PAPOLA: variants seen among roughly 807,000 people sequenced by gnomAD.
PAPOLA encodes the protein polynucleotide adenylyltransferase alpha.
PAPOLA carries 15 observed loss-of-function variants against 100.6 expected under a neutral mutation model. The observed-to-expected ratio is 0.15, with a 90% CI of 0.10 to 0.23. PAPOLA has a LOEUF of 0.23. PAPOLA is among the 10% of genes least tolerant of loss of function. The probability of loss-of-function intolerance (pLI) is 1.00; values close to 1 mark genes in which losing one functional copy is unlikely to be tolerated. For synonymous variants in PAPOLA, 293 were observed against 300.0 expected (o/e 0.98, Z 0.24); for missense variants, 533 against 884.2 (o/e 0.60, Z 5.04).
At chr14:96,558,987 C>T (rs1251643088) in intron 19 of PAPOLA, among the ~76,000 whole-genome samples, 1 of 151,452 alleles carries the variant, frequency 6.6e-6, no homozygotes, top group African/African-American at 2.4e-5. Context: ...TAGATTCCCT[C>T]CTCCATCCCT....
chr14:96,546,348 T>C (rs1426559370), intron 15 of PAPOLA, among the ~76,000 whole-genome samples: 1 of 152,122 alleles, frequency 6.6e-6, no homozygotes, highest in African/African-American at 2.4e-5. Context: ...TCTTTTGCCC[T>C]TGCCCCCTTC....
chr14:96,540,666 A>G (rs1411298845), intron 12 of PAPOLA, among the ~76,000 whole-genome samples: 1 of 152,154 alleles, frequency 6.6e-6, no homozygotes, highest in African/African-American at 2.4e-5. Flanking sequence ...TAAAGGAAGT[A>G]TTGGTTTGTA....
At position 96,519,158 on chromosome 14, in the gene PAPOLA, G is replaced by A. The variant is rs370084551; in HGVS notation, c.9-897G>A. 3.3e-5 allele frequency among the ~76,000 whole-genome samples: 5 copies of A among 151,774 alleles called. No homozygotes were observed. The East Asian group carries it at 9.8e-4, about 30-fold the overall frequency. On this transcript the variant is annotated intron_variant, in intron 1 of 21. Coordinates refer to ENST00000216277, the MANE Select transcript of PAPOLA (RefSeq NM_032632.5). Reference sequence around the variant, plus strand: ...TATCCAGGCTGGCCTCAACTCCTGGGCTCAAGCCATTCTCCCACTTCAGCC... The same window carrying A: ...TATCCAGGCTGGCCTCAACTCCTGGACTCAAGCCATTCTCCCACTTCAGCC...
intron 15 of PAPOLA, among the ~76,000 whole-genome samples, chr14:96,546,910 CTT>C (rs1341215143): frequency 6.6e-6 from 1 of 152,036 alleles, no homozygotes; most frequent in African/African-American, 2.4e-5. Context: ...TTGATGTTTG[CTT>C]TCTCTGGAAT....
At chr14:96,534,897 T>C (rs1899384788) in intron 10 of PAPOLA, 1 of 1,028,442 alleles carries the variant, frequency 9.7e-7, no homozygotes, top group African/African-American at 1.7e-5. Flanking sequence ...AAAATCCCTG[T>C]ATTTTTTATT....
At position 96,556,310 on chromosome 14, in the gene PAPOLA, C is replaced by T; in HGVS notation, c.1901C>T (p.Thr634Ile). 1 of 1,613,986 alleles carries T rather than the reference C, an allele frequency of 6.2e-7. No homozygotes were observed. The highest frequency in any genetic ancestry group is 8.5e-7 in the Non-Finnish European group (1 of 1,179,960). Residue 634 changes from threonine to isoleucine, a missense_variant, in exon 19 of 22, where the codon ACT becomes ATT. By Grantham distance (89) the Thr-to-Ile change is moderately conservative (BLOSUM62 -1). Transcript: ENST00000216277. Reference protein sequence around the residue: ...PPPRSSGNAATSGNAATKIPT... With the variant: ...PPPRSSGNAAISGNAATKIPT... The stretch of plus-strand genomic sequence containing the variant: ...CCTAGATCTTCAGGAAATGCAGCAA[C>T]TTCAGGAAATGCAGCAACAAAAATA...
intron 4 of PAPOLA, chr14:96,526,706 C>T (rs905133437): frequency 1.3e-5 from 2 of 152,562 alleles, no homozygotes; most frequent in Admixed American, 1.3e-4. Flanking sequence ...ATCCTTTCCT[C>T]TCTCCATCTC....
intron 10 of PAPOLA, 72 bp from the exon 11 acceptor site, chr14:96,535,807 A>AC (rs559642134): frequency 3.1e-4 from 394 of 1,283,700 alleles, no homozygotes; most frequent in Non-Finnish European, 3.6e-4. Flanking sequence ...GTTCAGTTTA[A>AC]CAAGGGGTAA....
At chr14:96,552,647 G>T (rs767531390) in intron 17 of PAPOLA, 25 bp downstream of exon 17, 1 of 1,600,428 alleles carries the variant, frequency 6.2e-7, no homozygotes, top group East Asian at 2.2e-5. Flanking sequence ...GGAAATAGAA[G>T]TGGAGGGGCT....
intron 12 of PAPOLA, chr14:96,537,996 A>C (rs1262710582): frequency 1.3e-5 from 2 of 152,046 alleles, no homozygotes; most frequent in Non-Finnish European, 2.9e-5. Context: ...GTTGTCAGTA[A>C]AAATTAAAAT....
At chr14:96,548,261 T>C (rs1021762771) in intron 16 of PAPOLA, among the ~76,000 whole-genome samples, 2 of 152,200 alleles carry the variant, frequency 1.3e-5, no homozygotes, top group African/African-American at 4.8e-5. Flanking sequence ...ATTAAATTAG[T>C]AAGGAAATAT....
chr14:96,562,850 A>T lies in PAPOLA; in HGVS notation c.2099A>T (p.Gln700Leu). The T allele has an allele frequency of 6.2e-7, 1 of 1,612,448 alleles. No homozygotes were observed. The highest frequency in any genetic ancestry group is 1.1e-5 in the South Asian group (1 of 91,018). The change falls in exon 21 of 22, where the codon CAA (glutamine) becomes CTA (leucine). Residue 700 changes from glutamine to leucine, a missense_variant. Transcript: ENST00000216277. ...CTTGATACAGAGACAAGTACAACTC[A>T]ATCAGAAACTATTCAGACAGCGGCT... The part of the protein sequence containing the change: ...EQLDTETSTT[Q>L]SETIQTAASL...
intron 1 of PAPOLA, among the ~76,000 whole-genome samples, chr14:96,505,964 A>T (rs1344017969): frequency 1.3e-5 from 2 of 151,912 alleles, no homozygotes; most frequent in African/African-American, 4.8e-5. Flanking sequence ...AATGCAGTGG[A>T]GCGATCTCGG....
intron 1 of PAPOLA, 174 bp downstream of exon 1, chr14:96,502,774 C>G: frequency 2.0e-6 from 1 of 488,146 alleles, no homozygotes; most frequent in Non-Finnish European, 3.0e-6. Flanking sequence ...GCCGCACTTC[C>G]CCCCGTGTGC....
rs200584402 is a variant in PAPOLA at position 96,542,303 on chromosome 14, A to G, written c.1169+7A>G. ...AAAAACAACGCCTGGAATGGTGAGTATAAGAATAGACTTTACAGAAAAAGC... is the reference window on the plus strand; with the variant it reads ...AAAAACAACGCCTGGAATGGTGAGTGTAAGAATAGACTTTACAGAAAAAGC... On this transcript the variant is annotated splice_region_variant and intron_variant, in intron 13 of 21. Transcript: ENST00000216277. The G allele has an allele frequency of 3.9e-5, 61 of 1,568,636 alleles. No individual in the cohort carries two copies. In the Middle Eastern group the frequency reaches 1.2e-3, roughly 30 times the overall value.
intron 1 of PAPOLA, among the ~76,000 whole-genome samples, chr14:96,516,096 C>T (rs1897438812): frequency 6.6e-6 from 1 of 152,136 alleles, no homozygotes; most frequent in Non-Finnish European, 1.5e-5. Context: ...TATCACTCTA[C>T]TTAATTTCTA....
At chr14:96,534,142 G>A (rs75845012) in intron 9 of PAPOLA, 60,689 of 1,040,970 alleles carry the variant, frequency 0.058, 1,823 homozygotes, top group Non-Finnish European at 0.06. Context: ...TAGTATAAAG[G>A]CAGGAATTTT....
intron 3 of PAPOLA, among the ~76,000 whole-genome samples, chr14:96,523,947 A>G (rs993707578): frequency 8.3e-5 from 11 of 132,176 alleles, no homozygotes; most frequent in East Asian, 6.7e-4. Context: ...CTGTCTCAGA[A>G]AAAAAAAAAA....
chr14:96,542,521 GTATATTTAAAGTGCACT>G (rs1300002193), intron 13 of PAPOLA: 2 of 540,096 alleles, frequency 3.7e-6, no homozygotes, highest in Non-Finnish European at 6.5e-6. Context: ...TTTCTTAATT[GTATATTTAAAGTGCACT>G]TATAGCTTGT....
Sources: allele counts gnomAD v4.1 joint callset (sites outside exome capture counted in the v4.1 genomes callset), GRCh38; gene constraint gnomAD v4.1.1; transcripts MANE v1.5; gene names NCBI Gene and HGNC (gene_info 2026-07-23, HGNC 2026-07-21).